Variants in EML1 observed in about 807,000 individuals in gnomAD.
EML1 encodes echinoderm microtubule-associated protein-like 1.
In EML1, 27 loss-of-function variants were observed where a neutral mutation model predicts 110.4. The observed-to-expected ratio is 0.24, with a 90% CI of 0.18 to 0.34. The LOEUF (loss-of-function observed/expected upper bound fraction) is 0.34, where lower values mean the gene tolerates loss of function less well. EML1 is among the 10% of genes least tolerant of loss of function. The pLI is 1.00. For missense variants in EML1, 741 were observed against 1,030.9 expected (o/e 0.72, Z 3.85); for synonymous variants, 344 against 385.8 (o/e 0.89, Z 1.27).
chr14:99,752,907 T>C (rs1275041580), intron 1 of EML1, among the ~76,000 whole-genome samples: 3 of 152,040 alleles, frequency 2.0e-5, no homozygotes, highest in Non-Finnish European at 2.9e-5. Flanking sequence ...CTACACTGTA[T>C]GAATCAGGAA....
At chr14:99,818,830 T>A (rs2058213772) in intron 1 of EML1, among the ~76,000 whole-genome samples, 1 of 152,278 alleles carries the variant, frequency 6.6e-6, no homozygotes, top group South Asian at 2.1e-4. Context: ...GAGGGAAACC[T>A]GAGGCCTGGA....
At chr14:99,873,688 C>T (rs1421538614) in intron 3 of EML1, among the ~76,000 whole-genome samples, 1 of 152,236 alleles carries the variant, frequency 6.6e-6, no homozygotes, top group Non-Finnish European at 1.5e-5. Flanking sequence ...CTAAGATTCT[C>T]CCAGACCACT....
intron 19 of EML1, among the ~76,000 whole-genome samples, chr14:99,937,448 G>C (rs1374222988): frequency 1.3e-5 from 2 of 152,186 alleles, no homozygotes; most frequent in African/African-American, 4.8e-5. Context: ...AAGGGACTGA[G>C]GGGTATAGGG....
intron 3 of EML1, among the ~76,000 whole-genome samples, chr14:99,873,174 G>C (rs72710019): frequency 0.011 from 1,675 of 152,234 alleles, 13 homozygotes; most frequent in Non-Finnish European, 0.019. Context: ...CTGTTCTCTG[G>C]GCTCATAAGT....
chr14:99,793,943 A>T (rs1006388734), intron 1 of EML1, among the ~76,000 whole-genome samples: 1 of 152,104 alleles, frequency 6.6e-6, no homozygotes, highest in Non-Finnish European at 1.5e-5. Context: ...GACTGGATGA[A>T]GAACTCGGGA....
chr14:99,895,161 A>G (rs181341365), intron 6 of EML1, among the ~76,000 whole-genome samples: 5 of 152,102 alleles, frequency 3.3e-5, no homozygotes, highest in Non-Finnish European at 5.9e-5. Flanking sequence ...AAGAATGACA[A>G]TAGTAGTTAG....
chr14:99,750,580 C>T (rs553231894), intron 1 of EML1, among the ~76,000 whole-genome samples: 1 of 152,304 alleles, frequency 6.6e-6, no homozygotes, highest in East Asian at 1.9e-4. Context: ...TTATAGGGTG[C>T]TTGCTACACA....
upstream of EML1, among the ~76,000 whole-genome samples, chr14:99,789,388 T>C (rs2140225783): frequency 6.6e-6 from 1 of 152,262 alleles, no homozygotes; most frequent in Admixed American, 6.5e-5. Flanking sequence ...TTTGTATTTT[T>C]AGTAGAGATG....
intron 2 of EML1, among the ~76,000 whole-genome samples, chr14:99,859,392 G>T (rs558842047): frequency 1.3e-5 from 2 of 152,272 alleles, no homozygotes; most frequent in African/African-American, 4.8e-5. Flanking sequence ...GGTTGGTAGG[G>T]TCTGTTCTCA....
chr14:99,743,250 T>C (rs993218712), intron 1 of EML1, among the ~76,000 whole-genome samples: 7 of 152,154 alleles, frequency 4.6e-5, no homozygotes, highest in Non-Finnish European at 1.0e-4. Context: ...TCCAGCACTT[T>C]TGCTGAGGTG....
intron 17 of EML1, among the ~76,000 whole-genome samples, chr14:99,928,640 A>G (rs2060311297): frequency 6.6e-6 from 1 of 152,160 alleles, no homozygotes; most frequent in African/African-American, 2.4e-5. Context: ...GTTCTGGGAA[A>G]TACGTGGCTG....
chr14:99,738,120 G>T (rs1274241513), intron 1 of EML1, among the ~76,000 whole-genome samples: 1 of 152,244 alleles, frequency 6.6e-6, no homozygotes, highest in African/African-American at 2.4e-5. Context: ...GGGGCTGGCA[G>T]CCGGGGCCAG....
intron 1 of EML1, among the ~76,000 whole-genome samples, chr14:99,837,306 C>G (rs2058556909): frequency 6.6e-6 from 1 of 152,122 alleles, no homozygotes; most frequent in South Asian, 2.1e-4. Context: ...TAGGGTTCAC[C>G]TCTTTTGTTT....
chr14:99,793,664 G>A (rs1467719823), intron 1 of EML1, 121 bp downstream of exon 1: 1 of 775,190 alleles, frequency 1.3e-6, no homozygotes, highest in Admixed American at 6.5e-5. Context: ...GCCGCGCAAA[G>A]TTGTTGCGGA....
Position 99,895,088 on chromosome 14 carries a change from AT to A in EML1, c.677+337del, listed in dbSNP as rs542451381. Among the ~76,000 whole-genome samples, 6 of 151,392 alleles carry A rather than the reference AT, an allele frequency of 4.0e-5. No individual in the cohort carries two copies. The South Asian group carries it at 1.2e-3, about 32-fold the overall frequency. Reference sequence around the variant, plus strand: ...AAGATGTTATATGATTGTATGAGTGATTTTTTTCTTTGTCAGGAGAAAATGA... The same window carrying A: ...AAGATGTTATATGATTGTATGAGTGATTTTTTCTTTGTCAGGAGAAAATGA... On this transcript the variant is annotated intron_variant, in intron 6 of 21. Coordinates refer to ENST00000262233, the MANE Select transcript of EML1 (RefSeq NM_004434.3).
intron 1 of EML1, among the ~76,000 whole-genome samples, chr14:99,738,517 G>C (rs2056996855): frequency 6.6e-6 from 1 of 152,226 alleles, no homozygotes; most frequent in African/African-American, 2.4e-5. Flanking sequence ...GCCAGCCTTG[G>C]CGGAATGGGG....
exon 1 of EML1, chr14:99,773,342 T>C (rs1400440773): frequency 6.6e-6 from 1 of 152,184 alleles, no homozygotes; most frequent in Non-Finnish European, 1.5e-5. Flanking sequence ...AAACTCCCTC[T>C]ACATTTTCCT....
intron 13 of EML1, among the ~76,000 whole-genome samples, chr14:99,912,859 C>G (rs903350459): frequency 2.0e-5 from 3 of 152,214 alleles, no homozygotes; most frequent in Non-Finnish European, 4.4e-5. Context: ...TCCTCATTAG[C>G]ATGGGTCATC....
At position 99,796,186 on chromosome 14, in the gene EML1, C is replaced by CAGAGAGAGAGAGAGAG. The variant is rs57818494; in HGVS notation, c.67+2673_67+2688dup. 8.2e-3 allele frequency among the ~76,000 whole-genome samples: 976 copies of CAGAGAGAGAGAGAGAG among 119,200 alleles called. 18 individuals carry two copies. Among genetic ancestry groups the CAGAGAGAGAGAGAGAG allele is most frequent in the East Asian group, 0.018 (74 of 4,166 alleles). 78.2% of individuals were successfully genotyped at this position (119,200 alleles called of 152,430 possible). A position where few individuals can be genotyped will look rare whatever the true frequency, so the allele number is the denominator to read the frequency against. ...TGGGTGACAAAGTGAGACCCTGTCT[C>CAGAGAGAGAGAGAGAG]AGAGAGAGAGAGAGAGAGAGAGAGA... On this transcript the variant is annotated intron_variant, in intron 1 of 21. Coordinates refer to ENST00000262233, the MANE Select transcript of EML1 (RefSeq NM_004434.3).
Sources: gnomAD v4.1 joint callset for allele counts (sites outside exome capture counted in the v4.1 genomes callset) on GRCh38, gnomAD v4.1.1 for gene constraint, MANE v1.5 for transcripts, NCBI Gene and HGNC (gene_info 2026-07-23, HGNC 2026-07-21) for gene names.